Variants in TANC2 observed in about 807,000 individuals in gnomAD.
The protein encoded by TANC2 is protein TANC2.
In TANC2, 26 loss-of-function variants were observed where a neutral mutation model predicts 210.5. That is an observed-to-expected ratio of 0.12 (90% CI 0.09 to 0.17). The LOEUF (loss-of-function observed/expected upper bound fraction) is 0.17. Among genes scored for constraint, TANC2 ranks in the 10% least tolerant of loss-of-function variants. The probability of loss-of-function intolerance (pLI) is 1.00; values close to 1 mark genes in which losing one functional copy is unlikely to be tolerated. For missense variants in TANC2, 2,129 were observed against 2,608.9 expected (o/e 0.82, Z 4.01); for synonymous variants, 931 against 967.1 (o/e 0.96, Z 0.69).
At chr17:63,028,310 A>G (rs1212289305) in intron 2 of TANC2, among the ~76,000 whole-genome samples, 1 of 152,104 alleles carries the variant, frequency 6.6e-6, no homozygotes, top group Non-Finnish European at 1.5e-5. Context: ...CTTCACTTCT[A>G]CTCTCAGGGT....
chr17:63,079,080 C>G (rs1314404945), intron 3 of TANC2, among the ~76,000 whole-genome samples: 1 of 152,136 alleles, frequency 6.6e-6, no homozygotes, highest in African/African-American at 2.4e-5. Flanking sequence ...TCCTCTTCCT[C>G]AGAGATTTAT....
At chr17:63,205,345 A>G (rs150191459) in intron 7 of TANC2, among the ~76,000 whole-genome samples, 2 of 89,798 alleles carry the variant, frequency 2.2e-5, no homozygotes, top group Admixed American at 1.2e-4. Flanking sequence ...CCAAGGAGGC[A>G]AAAAAAAAAA....
chr17:63,313,087 G>A (rs1044458527), intron 9 of TANC2, among the ~76,000 whole-genome samples: 1 of 152,118 alleles, frequency 6.6e-6, no homozygotes, highest in African/African-American at 2.4e-5. Flanking sequence ...ATGTTCTAGA[G>A]TAACGTATGA....
chr17:63,098,509 C>CTCTG (rs1467404341), intron 3 of TANC2, among the ~76,000 whole-genome samples: 1 of 66,642 alleles, frequency 1.5e-5, no homozygotes, highest in Non-Finnish European at 2.8e-5. Flanking sequence ...CTCTCTCTCT[C>CTCTG]TGTGTGTATA....
chr17:63,259,717 A>T (rs140346542), intron 8 of TANC2, among the ~76,000 whole-genome samples: 1 of 152,344 alleles, frequency 6.6e-6, no homozygotes, highest in East Asian at 1.9e-4. Context: ...TGTGCCATTA[A>T]TATTGCCATA....
intron 8 of TANC2, among the ~76,000 whole-genome samples, chr17:63,238,677 G>T (rs576723677): frequency 2.0e-5 from 3 of 152,062 alleles, no homozygotes; most frequent in Non-Finnish European, 2.9e-5. Context: ...GTATTAGTCC[G>T]TTTTCACACT....
rs1013690917 is a variant in TANC2 at position 63,082,609 on chromosome 17, C to G, written c.139+8595C>G. On this transcript the variant is annotated intron_variant, in intron 3 of 27. Coordinates refer to ENST00000689528, the Ensembl canonical transcript of TANC2. ...ATGAGCAGAGAGGTAATTTTCTGAT[C>G]GTCCTATGAATGGTACCATATATTG... is the stretch of plus-strand genomic sequence containing the variant. Among the ~76,000 whole-genome samples, 11 of 152,126 alleles carry G rather than the reference C, an allele frequency of 7.2e-5. 1 individual carries two copies. In the East Asian group the frequency reaches 2.1e-3, roughly 29 times the overall value.
chr17:63,187,978 G>C (rs1422462108), intron 5 of TANC2, among the ~76,000 whole-genome samples: 1 of 152,116 alleles, frequency 6.6e-6, no homozygotes. Flanking sequence ...TGAAAGCAAA[G>C]TGAAGGTTTT....
intron 4 of TANC2, among the ~76,000 whole-genome samples, chr17:63,112,581 A>C (rs1598416128): frequency 6.6e-6 from 1 of 152,316 alleles, no homozygotes; most frequent in East Asian, 1.9e-4. Flanking sequence ...ACCCGTTTAG[A>C]GTTCTACATA....
Position 63,412,562 on chromosome 17 carries a change from T to C in TANC2, c.3899-118T>C, listed in dbSNP as rs2048736456. Reference sequence around the variant, plus strand: ...AGACCTATAGACGAGGGTTGGCTGATATGCTGGCTTTGTGCTGCCTGCCTC... The same window carrying C: ...AGACCTATAGACGAGGGTTGGCTGACATGCTGGCTTTGTGCTGCCTGCCTC... On this transcript the variant is annotated intron_variant, in intron 23 of 27. Coordinates refer to ENST00000689528, the Ensembl canonical transcript of TANC2. The surrounding 1 kb of genome is among the most constrained non-coding windows in gnomAD (Gnocchi z 4.2). 1 of 957,982 alleles carries C rather than the reference T, an allele frequency of 1.0e-6. No homozygotes were observed. Among genetic ancestry groups the C allele is most frequent in the East Asian group, 2.6e-5 (1 of 38,350 alleles). The allele number at this position is 957,982 out of a possible 1,614,324, so 59.3% of individuals were successfully genotyped here.
intron 5 of TANC2, among the ~76,000 whole-genome samples, chr17:63,155,592 G>A (rs1015337084): frequency 6.6e-6 from 1 of 152,116 alleles, no homozygotes; most frequent in African/African-American, 2.4e-5. Context: ...GAAAGGTTAA[G>A]GGCCAAAGCC....
intron 19 of TANC2, among the ~76,000 whole-genome samples, chr17:63,401,766 T>C (rs953480671): frequency 6.6e-6 from 1 of 152,166 alleles, no homozygotes; most frequent in Non-Finnish European, 1.5e-5. Flanking sequence ...CTCCCTTGTG[T>C]TGTGGGCACA....
intron 9 of TANC2, among the ~76,000 whole-genome samples, chr17:63,286,974 C>A (rs567897503): frequency 6.6e-6 from 1 of 152,084 alleles, no homozygotes; most frequent in South Asian, 2.1e-4. Flanking sequence ...TTGTTATACA[C>A]CCAGCCTGGA....
chr17:63,360,202 A>G (rs934669338), intron 14 of TANC2, among the ~76,000 whole-genome samples: 1 of 152,236 alleles, frequency 6.6e-6, no homozygotes, highest in Non-Finnish European at 1.5e-5. Context: ...AAATCTAAAT[A>G]TGAGCCTCCA....
Position 63,186,074 on chromosome 17 carries a change from T to C in TANC2, c.434-7917T>C, listed in dbSNP as rs142156587. 3.5e-4 allele frequency among the ~76,000 whole-genome samples: 53 copies of C among 152,318 alleles called. No homozygotes were observed. The East Asian group carries it at 0.01, about 29-fold the overall frequency. On this transcript the variant is annotated intron_variant, in intron 5 of 27. Transcript: ENST00000689528. ...TTTTTACCTTTGGGTCTATAATCTATATGAAACTTATTCTTTTAAGGACAG... is the reference window on the plus strand; with the variant it reads ...TTTTTACCTTTGGGTCTATAATCTACATGAAACTTATTCTTTTAAGGACAG...
intron 7 of TANC2, among the ~76,000 whole-genome samples, chr17:63,211,060 G>A (rs1015089358): frequency 6.6e-6 from 1 of 151,774 alleles, no homozygotes; most frequent in African/African-American, 2.4e-5. Context: ...TTGCTTCAAT[G>A]GTCCTCATTA....
intron 1 of TANC2, among the ~76,000 whole-genome samples, chr17:62,971,673 A>G (rs2031701971): frequency 6.6e-6 from 1 of 152,174 alleles, no homozygotes. Flanking sequence ...CCCCTGGACC[A>G]TCATGGCCTG....
intron 7 of TANC2, among the ~76,000 whole-genome samples, chr17:63,201,213 A>T (rs542041647): frequency 2.0e-5 from 3 of 152,168 alleles, no homozygotes; most frequent in Admixed American, 1.3e-4. Flanking sequence ...ACTTCTGTCC[A>T]CTTCTTCCTG....
chr17:63,183,073 T>A (rs113047037), intron 5 of TANC2, among the ~76,000 whole-genome samples: 2 of 30,356 alleles, frequency 6.6e-5, no homozygotes, highest in Non-Finnish European at 1.2e-4. Context: ...TAATAGGACC[T>A]TTTTTTTAAA....
Sources: allele counts gnomAD v4.1 joint callset (sites outside exome capture counted in the v4.1 genomes callset), GRCh38; gene constraint gnomAD v4.1.1; non-coding constraint Gnocchi (gnomAD v3.1); transcripts MANE v1.5; gene names NCBI Gene and HGNC (gene_info 2026-07-23, HGNC 2026-07-21).